The following SYT1 variants were observed in gnomAD, a reference collection of about 807,000 sequenced individuals.
SYT1 encodes synaptotagmin 1.
In SYT1, 8 loss-of-function variants were observed where a neutral mutation model predicts 44.8. The ratio of observed to expected loss-of-function variants is 0.18; its 90% CI spans 0.10 to 0.32. The LOEUF (loss-of-function observed/expected upper bound fraction) is 0.32. SYT1 is among the 10% of genes least tolerant of loss of function. The pLI, the probability that SYT1 is intolerant of heterozygous loss-of-function variation, is 1.00. For synonymous variants in SYT1, 154 were observed against 188.8 expected, an observed-to-expected ratio of 0.82 and a Z score of 1.51; for missense variants, 286 against 509.3, an observed-to-expected ratio of 0.56 and a Z score of 4.22.
chr12:78,943,937 A>G (rs1010787911), intron 1 of SYT1, among the ~76,000 whole-genome samples: 1 of 152,168 alleles, frequency 6.6e-6, no homozygotes, highest in African/African-American at 2.4e-5. Flanking sequence ...AGAAGTTACA[A>G]CTTCTTCCTG....
intron 4 of SYT1, among the ~76,000 whole-genome samples, chr12:79,279,909 A>G (rs1273531385): frequency 3.3e-5 from 5 of 152,100 alleles, no homozygotes; most frequent in Non-Finnish European, 7.4e-5. Context: ...CAAAAAACAT[A>G]AAATACCTAA....
chr12:79,438,717 C>T lies in SYT1; in HGVS notation c.929-5356C>T, dbSNP rs74389666. Among the ~76,000 whole-genome samples the T allele has an allele frequency of 9.5e-3, 1,452 of 152,244 alleles. 28 individuals carry two copies. Among genetic ancestry groups the T allele is most frequent in the African/African-American group, 0.033 (1,366 of 41,554 alleles). On this transcript the variant is annotated intron_variant, in intron 9 of 10. Coordinates refer to ENST00000261205, the MANE Select transcript of SYT1 (RefSeq NM_005639.3). ...AAATAGCTAGTGAGACCAAAGTAGTCATCTGGTCACCATGCTAGGATCCTC... is the reference window on the plus strand; with the variant it reads ...AAATAGCTAGTGAGACCAAAGTAGTTATCTGGTCACCATGCTAGGATCCTC...
intron 3 of SYT1, among the ~76,000 whole-genome samples, chr12:79,076,610 A>C (rs1157725212): frequency 3.3e-5 from 5 of 152,154 alleles, no homozygotes; most frequent in Admixed American, 1.3e-4. Context: ...AGATATTATA[A>C]ATATAAAACA....
chr12:79,435,861 A>C (rs1434930727), intron 9 of SYT1, among the ~76,000 whole-genome samples: 1 of 152,134 alleles, frequency 6.6e-6, no homozygotes, highest in African/African-American at 2.4e-5. Context: ...CCTCTCTCCT[A>C]GTAATGACAA....
At chr12:79,132,495 C>T (rs6539255) in intron 3 of SYT1, among the ~76,000 whole-genome samples, 1 of 150,428 alleles carries the variant, frequency 6.6e-6, no homozygotes, top group South Asian at 2.1e-4. Flanking sequence ...AAAATGCTAA[C>T]CGTCACTAAT....
intron 2 of SYT1, among the ~76,000 whole-genome samples, chr12:78,997,664 CTTT>C (rs143170436): frequency 6.9e-6 from 1 of 144,712 alleles, no homozygotes; most frequent in African/African-American, 2.5e-5. Context: ...TTTCTCTTTC[CTTT>C]TTTTTTTTTC....
At chr12:79,378,996 G>C (rs1048663043) in intron 9 of SYT1, among the ~76,000 whole-genome samples, 2 of 152,102 alleles carry the variant, frequency 1.3e-5, no homozygotes, top group African/African-American at 4.8e-5. Flanking sequence ...TTGGGTCAAA[G>C]TGTTTCTTTT....
At chr12:78,915,011 G>A (rs1241111477) in intron 1 of SYT1, among the ~76,000 whole-genome samples, 2 of 152,024 alleles carry the variant, frequency 1.3e-5, no homozygotes, top group South Asian at 2.1e-4. Flanking sequence ...TCTGAGCTGT[G>A]CCTTGAAAGA....
At chr12:79,297,752 A>T (rs987287757) in intron 7 of SYT1, among the ~76,000 whole-genome samples, 59 of 152,306 alleles carry the variant, frequency 3.9e-4, no homozygotes, top group African/African-American at 1.4e-3. Context: ...TAGATTACTC[A>T]TCTTGAAATG....
chr12:79,001,759 T>C (rs1870756044), intron 2 of SYT1, among the ~76,000 whole-genome samples: 1 of 152,200 alleles, frequency 6.6e-6, no homozygotes. Flanking sequence ...TTTGTCAAAG[T>C]GATGCAGATT....
intron 3 of SYT1, among the ~76,000 whole-genome samples, chr12:79,064,656 ATATT>A (rs1875627664): frequency 6.6e-6 from 1 of 152,058 alleles, no homozygotes; most frequent in South Asian, 2.1e-4. Flanking sequence ...ACATATTACC[ATATT>A]AAGATATTCC....
At chr12:78,976,501 T>C (rs908461945) in intron 1 of SYT1, 4 of 152,214 alleles carry the variant, frequency 2.6e-5, no homozygotes, top group East Asian at 3.8e-4. Context: ...AATCCACTGG[T>C]TGGCGAAGAG....
At chr12:78,920,855 A>G (rs1003082475) in intron 1 of SYT1, among the ~76,000 whole-genome samples, 1 of 151,974 alleles carries the variant, frequency 6.6e-6, no homozygotes, top group Non-Finnish European at 1.5e-5. Context: ...CAAATCAAAG[A>G]TTAGACAGAT....
chr12:79,408,185 C>T (rs1868305436), intron 9 of SYT1, among the ~76,000 whole-genome samples: 1 of 152,094 alleles, frequency 6.6e-6, no homozygotes, highest in African/African-American at 2.4e-5. Flanking sequence ...GAGGGGATTT[C>T]CTATTGGTTC....
Position 79,217,510 on chromosome 12 carries a change from T to C in SYT1, c.-10T>C, listed in dbSNP as rs770131284. The C allele has an allele frequency of 6.3e-7, 1 of 1,580,028 alleles. No homozygotes were observed. Among genetic ancestry groups the C allele is most frequent in the South Asian group, 1.1e-5 (1 of 87,302 alleles). The stretch of plus-strand genomic sequence containing the variant: ...GCTTCCCTCCCCTCACAGCTTCACC[T>C]GAACCTAAAATGGTGAGCGAGAGTC... On this transcript the variant is annotated 5_prime_UTR_variant, in exon 4 of 11. Coordinates refer to ENST00000261205, the MANE Select transcript of SYT1 (RefSeq NM_005639.3).
intron 10 of SYT1, among the ~76,000 whole-genome samples, 192 bp from the exon 11 acceptor site, chr12:79,448,726 G>T (rs1338671663): frequency 6.6e-6 from 1 of 152,202 alleles, no homozygotes; most frequent in South Asian, 2.1e-4. Flanking sequence ...GTTCATTCAT[G>T]TAAAAGACTT....
Position 79,260,804 on chromosome 12 carries a change from TA to T in SYT1, c.167-24982del, listed in dbSNP as rs1252090135. 9.9e-5 allele frequency among the ~76,000 whole-genome samples: 9 copies of T among 91,338 alleles called. No homozygotes were observed. The Admixed American group carries it at 1.1e-3, about 12-fold the overall frequency. The allele number at this position is 91,338 out of a possible 152,430, so 59.9% of individuals were successfully genotyped here. Reference sequence around the variant, plus strand: ...AGATTCTGTTTTTACAGAAATCTCATATTTTTTTTTTTAGTAGACTTGGGTC... The same window carrying T: ...AGATTCTGTTTTTACAGAAATCTCATTTTTTTTTTTTAGTAGACTTGGGTC... On this transcript the variant is annotated intron_variant, in intron 4 of 10. Coordinates refer to ENST00000261205, the MANE Select transcript of SYT1 (RefSeq NM_005639.3).
At chr12:79,415,813 T>C (rs1868703459) in intron 9 of SYT1, among the ~76,000 whole-genome samples, 1 of 152,204 alleles carries the variant, frequency 6.6e-6, no homozygotes, top group African/African-American at 2.4e-5. Flanking sequence ...TTGCAGTTAA[T>C]GGGAGAGGAT....
intron 3 of SYT1, among the ~76,000 whole-genome samples, chr12:79,048,603 C>T (rs1238072691): frequency 6.6e-6 from 1 of 151,806 alleles, no homozygotes; most frequent in Non-Finnish European, 1.5e-5. Context: ...AAACAGAAAT[C>T]TATAAAATTT....
Sources: allele counts gnomAD v4.1 joint callset (sites outside exome capture counted in the v4.1 genomes callset), GRCh38; gene constraint gnomAD v4.1.1; transcripts MANE v1.5; gene names NCBI Gene and HGNC (gene_info 2026-07-23, HGNC 2026-07-21).